EPYC: variants seen among roughly 807,000 people sequenced by gnomAD.
EPYC encodes the protein dermatan sulfate proteoglycan 3.
A neutral mutation model predicts 30.1 loss-of-function variants in EPYC; 28 were observed. The ratio of observed to expected loss-of-function variants is 0.93; its 90% CI spans 0.69 to 1.28. EPYC has a LOEUF of 1.28. Among genes scored for constraint, EPYC ranks in the 50% most tolerant of loss-of-function variants. EPYC has a pLI of 0.00. For missense variants in EPYC, 382 were observed against 383.5 expected, an observed-to-expected ratio of 1.00 and a Z score of 0.03; for synonymous variants, 144 against 141.4, an observed-to-expected ratio of 1.02 and a Z score of -0.13.
chr12:90,992,580 A>T (rs1032391847), intron 2 of EPYC, among the ~76,000 whole-genome samples: 5 of 152,204 alleles, frequency 3.3e-5, no homozygotes, highest in African/African-American at 1.2e-4. Context: ...AAAAAGGGGA[A>T]TTCAAAGCCT....
chr12:90,982,597 T>G (rs1877347903), intron 2 of EPYC, among the ~76,000 whole-genome samples: 1 of 152,088 alleles, frequency 6.6e-6, no homozygotes, highest in Non-Finnish European at 1.5e-5. Context: ...TCTCTCCTCT[T>G]TAACTGTAAT....
At chr12:90,975,111 T>C (rs1877151065) in intron 3 of EPYC, among the ~76,000 whole-genome samples, 1 of 152,090 alleles carries the variant, frequency 6.6e-6, no homozygotes, top group African/African-American at 2.4e-5. Flanking sequence ...ACAAAAGTCA[T>C]TTCCATTTTA....
At chr12:90,969,550 T>C (rs1368592704) in intron 6 of EPYC, among the ~76,000 whole-genome samples, 1 of 151,888 alleles carries the variant, frequency 6.6e-6, no homozygotes, top group Non-Finnish European at 1.5e-5. Context: ...GCACTTTGTT[T>C]ATCCAGAGAG....
intron 3 of EPYC, among the ~76,000 whole-genome samples, chr12:90,973,674 C>T (rs1877109389): frequency 6.6e-6 from 1 of 152,060 alleles, no homozygotes; most frequent in South Asian, 2.1e-4. Context: ...AATGGTATGC[C>T]AGGCAGAGGA....
chr12:90,998,015 G>C (rs1225359591), intron 2 of EPYC, among the ~76,000 whole-genome samples: 1 of 151,938 alleles, frequency 6.6e-6, no homozygotes, highest in African/African-American at 2.4e-5. Flanking sequence ...TCACTATTAT[G>C]ATATATAATT....
In EPYC at chr12:90,978,199, C is replaced by T; in HGVS notation, c.229G>A (p.Glu77Lys). The part of the protein sequence containing the change: ...RELLTPPPQP[E>K]KAQEEEEEEE... ...TCCTCTTCCTCTTCCTGGGCCTTCT[C>T]AGGCTGTGGGGGTGGAGTGAGGAGC... The change falls in exon 3 of 7, where the codon GAG (glutamate) becomes AAG (lysine). Residue 77 changes from glutamate (E) to lysine (K), a missense_variant. Transcript: ENST00000261172. 1 of 1,605,514 alleles carries T rather than the reference C, an allele frequency of 6.2e-7. No homozygotes were observed. Among genetic ancestry groups the T allele is most frequent in the African/African-American group, 1.4e-5 (1 of 73,758 alleles).
chr12:91,003,903 C>A (rs1217178011), intron 1 of EPYC, among the ~76,000 whole-genome samples: 1 of 152,038 alleles, frequency 6.6e-6, no homozygotes, highest in East Asian at 1.9e-4. Flanking sequence ...ATATGAAATT[C>A]CTCTGAGAAT....
chr12:90,971,035 G>C (rs1380579151), intron 5 of EPYC, among the ~76,000 whole-genome samples: 1 of 152,124 alleles, frequency 6.6e-6, no homozygotes, highest in Non-Finnish European at 1.5e-5. Flanking sequence ...AATCTCTAAG[G>C]CTAACTGAAT....
intron 1 of EPYC, among the ~76,000 whole-genome samples, chr12:91,003,751 G>A (rs1565877791): frequency 6.6e-6 from 1 of 152,058 alleles, no homozygotes; most frequent in Non-Finnish European, 1.5e-5. Context: ...TTTAAGAACA[G>A]TACCTGTGGT....
Position 90,972,791 on chromosome 12 carries a change from C to T in EPYC, c.499+31G>A, listed in dbSNP as rs369410885. The T allele has an allele frequency of 1.8e-5, 29 of 1,584,762 alleles. No homozygotes were observed. The African/African-American group carries it at 2.0e-4, about 11-fold the overall frequency. Reference sequence around the variant, plus strand: ...AAAAATTTAAAGGAAGTGTGTAAAGCGGTGAAGGCCGTTAATGCTGTCATC... The same window carrying T: ...AAAAATTTAAAGGAAGTGTGTAAAGTGGTGAAGGCCGTTAATGCTGTCATC... On this transcript the variant is annotated intron_variant, in intron 4 of 6. Transcript: ENST00000261172.
At chr12:90,970,185 A>G (rs1159023706) in intron 5 of EPYC, 46 bp from the exon 6 acceptor site, 3 of 1,351,172 alleles carry the variant, frequency 2.2e-6, no homozygotes, top group Admixed American at 1.8e-5. Flanking sequence ...CTCAATAAAA[A>G]CTCAATAAGA....
At chr12:90,991,413 G>T (rs1457228717) in intron 2 of EPYC, among the ~76,000 whole-genome samples, 1 of 151,768 alleles carries the variant, frequency 6.6e-6, no homozygotes, top group Non-Finnish European at 1.5e-5. Context: ...TTAGAAATTA[G>T]TCTGATGGGA....
At chr12:90,973,067 A>G (rs1487276715) in intron 3 of EPYC, 87 bp from the exon 4 acceptor site, 10 of 802,762 alleles carry the variant, frequency 1.2e-5, no homozygotes, top group Non-Finnish European at 1.9e-5. Context: ...ACAAGATTAG[A>G]GTCTCCCACT....
intron 5 of EPYC, 125 bp downstream of exon 5, chr12:90,971,675 T>TAAATAAAC (rs1555214848): frequency 1.8e-5 from 4 of 225,466 alleles, no homozygotes; most frequent in Non-Finnish European, 3.0e-5. Context: ...CCTATCTCAA[T>TAAATAAAC]AAATAAATAA....
intron 5 of EPYC, among the ~76,000 whole-genome samples, chr12:90,970,920 A>G (rs564469357): frequency 1.3e-4 from 20 of 152,234 alleles, no homozygotes; most frequent in Admixed American, 7.2e-4. Flanking sequence ...CTTGAATGCC[A>G]TAAGAGGAGG....
chr12:90,970,714 TG>T (rs1276009228), intron 5 of EPYC, among the ~76,000 whole-genome samples: 1 of 152,228 alleles, frequency 6.6e-6, no homozygotes, highest in African/African-American at 2.4e-5. Flanking sequence ...GACCCTTGCC[TG>T]GCTATAGTGA....
chr12:90,986,010 G>T (rs898401869), intron 2 of EPYC, among the ~76,000 whole-genome samples: 4 of 152,122 alleles, frequency 2.6e-5, no homozygotes, highest in Admixed American at 6.6e-5. Context: ...CTCCTTATTT[G>T]TGATTGGCAG....
At position 90,978,259 on chromosome 12, in the gene EPYC, C is replaced by G; in HGVS notation, c.169G>C (p.Glu57Gln). The G allele has an allele frequency of 7.7e-7, 1 of 1,302,614 alleles. No individual in the cohort carries two copies. Among genetic ancestry groups the G allele is most frequent in the Admixed American group, 2.7e-5 (1 of 36,724 alleles). 80.7% of individuals were successfully genotyped at this position (1,302,614 alleles called of 1,614,324 possible). ...ENIPVDKVEIEIATVMPSGNR... is the reference protein window; with the variant it reads ...ENIPVDKVEIQIATVMPSGNR... The stretch of plus-strand genomic sequence containing the variant: ...CCTGAAGGCATCACTGTGGCTATTT[C>G]AATCTGAAAAAAAAAAAAAAAAGAG... The change falls in exon 3 of 7, where the codon GAA becomes CAA. Residue 57 changes from glutamate (E) to glutamine (Q), a missense_variant. Glu to Gln is a conservative substitution (Grantham distance 29). Transcript: ENST00000261172.
At chr12:91,000,420 G>A (rs1264042013) in intron 2 of EPYC, among the ~76,000 whole-genome samples, 1 of 152,046 alleles carries the variant, frequency 6.6e-6, no homozygotes, top group Non-Finnish European at 1.5e-5. Flanking sequence ...AGATATGTTT[G>A]TTAGCTTAAA....
Sources: allele counts gnomAD v4.1 joint callset (sites outside exome capture counted in the v4.1 genomes callset), GRCh38; gene constraint gnomAD v4.1.1; transcripts MANE v1.5; gene names NCBI Gene and HGNC (gene_info 2026-07-23, HGNC 2026-07-21).